The following PRKG1 variants were observed in gnomAD, a reference collection of about 807,000 sequenced individuals.
PRKG1 encodes protein kinase cGMP-dependent 1, also known as cGMP-dependent protein kinase 1.
A neutral mutation model predicts 88.1 loss-of-function variants in PRKG1; 35 were observed. The observed-to-expected ratio is 0.40, with a 90% confidence interval of 0.30 to 0.53. The LOEUF (loss-of-function observed/expected upper bound fraction) is 0.53. Among genes scored for constraint, PRKG1 ranks in the 20% least tolerant of loss-of-function variants. The pLI, the probability that PRKG1 is intolerant of heterozygous loss-of-function variation, is 0.59. For missense variants in PRKG1, 540 were observed against 839.8 expected (o/e 0.64, Z 4.41); for synonymous variants, 303 against 292.5 (o/e 1.04, Z -0.37).
At chr10:52,287,696 G>A (rs1389581341) in intron 14 of PRKG1, among the ~76,000 whole-genome samples, 2 of 81,840 alleles carry the variant, frequency 2.4e-5, no homozygotes, top group African/African-American at 4.3e-5. Context: ...GGATGGATCA[G>A]TTAAAAAAAA....
intron 2 of PRKG1, among the ~76,000 whole-genome samples, chr10:51,184,798 G>A (rs575832992): frequency 1.1e-3 from 166 of 151,856 alleles, no homozygotes; most frequent in Non-Finnish European, 1.8e-3. Flanking sequence ...TTTTTTGAAC[G>A]TCAACAAGAA....
At chr10:51,740,066 C>T (rs1837392951) in intron 3 of PRKG1, among the ~76,000 whole-genome samples, 1 of 152,134 alleles carries the variant, frequency 6.6e-6, no homozygotes, top group African/African-American at 2.4e-5. Context: ...TTCACTCAAT[C>T]GCCCAGGCTG....
chr10:51,581,955 C>T (rs1716062737), intron 3 of PRKG1, among the ~76,000 whole-genome samples: 1 of 151,942 alleles, frequency 6.6e-6, no homozygotes, highest in South Asian at 2.1e-4. Context: ...ATGGGCTGGT[C>T]CTGCCTTTTA....
chr10:51,286,916 G>T (rs143685524), intron 2 of PRKG1, among the ~76,000 whole-genome samples: 1 of 152,064 alleles, frequency 6.6e-6, no homozygotes, highest in Non-Finnish European at 1.5e-5. Context: ...TCACTCTGTC[G>T]CCCAGGCTGG....
intron 2 of PRKG1, among the ~76,000 whole-genome samples, chr10:51,306,181 T>G (rs2132249546): frequency 6.6e-6 from 1 of 152,348 alleles, no homozygotes; most frequent in African/African-American, 2.4e-5. Flanking sequence ...AAGTCTGCTT[T>G]CTTTTCATTC....
intron 7 of PRKG1, among the ~76,000 whole-genome samples, chr10:52,113,079 G>C (rs1217924290): frequency 2.0e-5 from 3 of 152,128 alleles, no homozygotes. Context: ...AAGCATAATA[G>C]TAACTAAATG....
At chr10:51,902,158 A>G (rs1182659685) in intron 4 of PRKG1, among the ~76,000 whole-genome samples, 1 of 152,070 alleles carries the variant, frequency 6.6e-6, no homozygotes, top group Non-Finnish European at 1.5e-5. Flanking sequence ...CTCGTTGCCC[A>G]GGCTGGAGAG....
At chr10:52,129,609 G>A (rs183007829) in intron 7 of PRKG1, among the ~76,000 whole-genome samples, 5 of 152,230 alleles carry the variant, frequency 3.3e-5, no homozygotes, top group African/African-American at 4.8e-5. Context: ...AAATGACACC[G>A]TCATGGCAAC....
intron 3 of PRKG1, among the ~76,000 whole-genome samples, chr10:51,793,905 G>T (rs528483756): frequency 6.6e-6 from 1 of 152,112 alleles, no homozygotes; most frequent in African/African-American, 2.4e-5. Flanking sequence ...GGGATTACAG[G>T]CATAAGCCAA....
intron 9 of PRKG1, among the ~76,000 whole-genome samples, chr10:52,162,752 G>A (rs1838310842): frequency 1.3e-5 from 2 of 152,048 alleles, no homozygotes; most frequent in African/African-American, 4.8e-5. Flanking sequence ...TTAAAAATTT[G>A]TCCTAGAACT....
At chr10:51,221,307 T>C (rs76914877) in intron 2 of PRKG1, among the ~76,000 whole-genome samples, 3,238 of 152,204 alleles carry the variant, frequency 0.021, 42 homozygotes, top group Middle Eastern at 0.048. Context: ...AATGAATGCA[T>C]TAAAATTCTC....
intron 1 of PRKG1, among the ~76,000 whole-genome samples, chr10:51,034,198 T>C (rs1451848239): frequency 6.6e-6 from 1 of 152,190 alleles, no homozygotes; most frequent in East Asian, 1.9e-4. Flanking sequence ...AATGTATTTC[T>C]CTATACTTTA....
chr10:51,019,852 T>A (rs539647674), intron 1 of PRKG1, among the ~76,000 whole-genome samples: 1 of 151,528 alleles, frequency 6.6e-6, no homozygotes, highest in African/African-American at 2.4e-5. Context: ...TGAATAGAAA[T>A]TTTTTTAAAG....
chr10:52,181,044 G>A (rs1217618745), intron 9 of PRKG1, among the ~76,000 whole-genome samples: 1 of 152,162 alleles, frequency 6.6e-6, no homozygotes, highest in Non-Finnish European at 1.5e-5. Flanking sequence ...GTCTATCAGG[G>A]GCAGCCAATA....
intron 5 of PRKG1, among the ~76,000 whole-genome samples, chr10:51,930,559 C>T (rs1376720874): frequency 3.6e-5 from 5 of 137,864 alleles, no homozygotes; most frequent in African/African-American, 8.4e-5. Flanking sequence ...GGCATGACCT[C>T]GGCTCACTGC....
intron 1 of PRKG1, among the ~76,000 whole-genome samples, chr10:50,998,610 T>C (rs191727181): frequency 0.017 from 2,577 of 152,110 alleles, 31 homozygotes; most frequent in East Asian, 0.041. Flanking sequence ...TAGCCAGGCA[T>C]GGTGGCACAT....
intron 9 of PRKG1, among the ~76,000 whole-genome samples, chr10:52,228,883 C>T (rs914430379): frequency 6.6e-6 from 1 of 152,182 alleles, no homozygotes; most frequent in African/African-American, 2.4e-5. Context: ...GAAACACCTG[C>T]ACTAAGTGAA....
rs1023688630 is a variant in PRKG1, at chr10:52,199,736, C to G, written c.1076+37773C>G. On this transcript the variant is annotated intron_variant, in intron 9 of 17. Coordinates refer to ENST00000373980, the MANE Select transcript of PRKG1 (RefSeq NM_006258.4). Reference sequence around the variant, plus strand: ...TATTTCTCCCTCCAAATAAACGTACCTCACATGCATAAGGGAGATTCCGCA... The same window carrying G: ...TATTTCTCCCTCCAAATAAACGTACGTCACATGCATAAGGGAGATTCCGCA... Among the ~76,000 whole-genome samples, 3 of 152,094 alleles carry G rather than the reference C, an allele frequency of 2.0e-5. No homozygotes were observed. In the East Asian group the frequency reaches 5.8e-4, roughly 29 times the overall value.
intron 12 of PRKG1, among the ~76,000 whole-genome samples, chr10:52,275,594 T>C (rs1564542064): frequency 6.6e-6 from 1 of 152,190 alleles, no homozygotes; most frequent in Non-Finnish European, 1.5e-5. Flanking sequence ...TCTTATAGTA[T>C]GGTTTGAAAT....
Sources: allele counts gnomAD v4.1 joint callset (sites outside exome capture counted in the v4.1 genomes callset), GRCh38; gene constraint gnomAD v4.1.1; transcripts MANE v1.5; gene names NCBI Gene and HGNC (gene_info 2026-07-23, HGNC 2026-07-21).